FGF12: variants seen among roughly 807,000 people sequenced by gnomAD.
The protein encoded by FGF12 is fibroblast growth factor 12, also known as fibroblast growth factor 12B.
In FGF12, 14 loss-of-function variants were observed where a neutral mutation model predicts 23.6. That is an observed-to-expected ratio of 0.59 (90% CI 0.39 to 0.93). The LOEUF (loss-of-function observed/expected upper bound fraction) is 0.93. Ranked by LOEUF, FGF12 falls within the 40% of genes least tolerant of loss-of-function variation. The pLI is 0.00. For missense variants in FGF12, 175 were observed against 217.8 expected, an observed-to-expected ratio of 0.80 and a Z score of 1.24; for synonymous variants, 62 against 77.3, an observed-to-expected ratio of 0.80 and a Z score of 1.04.
chr3:192,500,444 A>C (rs6800095), intron 2 of FGF12, among the ~76,000 whole-genome samples: 129,709 of 151,636 alleles, frequency 0.86, 55,802 homozygotes, highest in East Asian at 0.91. Flanking sequence ...ACATCCCCCC[A>C]CCCGCCACAC....
At chr3:192,326,427 T>C (rs1242162815) in intron 4 of FGF12, among the ~76,000 whole-genome samples, 1 of 152,156 alleles carries the variant, frequency 6.6e-6, no homozygotes, top group Non-Finnish European at 1.5e-5. Flanking sequence ...TCCTTATAGT[T>C]ACCAATAGCG....
rs551785451 is a variant in FGF12, at chr3:192,408,051, C to A, written c.14-47513G>T. On this transcript the variant is annotated intron_variant, in intron 2 of 5. Coordinates refer to ENST00000445105, the MANE Select transcript of FGF12 (RefSeq NM_004113.6). The surrounding 1 kb of genome is among the most constrained non-coding windows in gnomAD (Gnocchi z 7.3). Reference sequence around the variant, plus strand: ...TGGTCTCCGCCTCACCGGCCTCTTGCGGCCGCTGCAGAAGCGCACTTTGCT... The same window carrying A: ...TGGTCTCCGCCTCACCGGCCTCTTGAGGCCGCTGCAGAAGCGCACTTTGCT... 2.5e-6 allele frequency: 4 copies of A among 1,611,748 alleles called. No individual in the cohort carries two copies. Among genetic ancestry groups the A allele is most frequent in the Admixed American group, 1.7e-5 (1 of 59,954 alleles).
At chr3:192,709,669 T>G (rs1718599483) in intron 2 of FGF12, among the ~76,000 whole-genome samples, 1 of 152,200 alleles carries the variant, frequency 6.6e-6, no homozygotes, top group African/African-American at 2.4e-5. Context: ...TGCTGGGAAA[T>G]TATTAAGTTT....
At chr3:192,278,357 A>C (rs1248742628) in intron 4 of FGF12, among the ~76,000 whole-genome samples, 1 of 152,206 alleles carries the variant, frequency 6.6e-6, no homozygotes, top group Admixed American at 6.5e-5. Context: ...TTCTTCATCT[A>C]AAACCTAGAG....
In FGF12 at chr3:192,338,784, CCTAA is replaced by C. The variant is rs1218056596; in HGVS notation, c.125-3324_125-3321del. On this transcript the variant is annotated intron_variant, in intron 3 of 5. Transcript: ENST00000445105. ...TGTGCGATGCAGAGCCAACTCTAAT[CCTAA>C]CTGATAGAGATGCTAATGAAAGCAG... Among the ~76,000 whole-genome samples the C allele has an allele frequency of 2.6e-5, 4 of 152,090 alleles. No individual in the cohort carries two copies. The South Asian group carries it at 6.2e-4, about 24-fold the overall frequency.
At chr3:192,195,771 TAC>T (rs144857800) in intron 4 of FGF12, among the ~76,000 whole-genome samples, 2 of 151,912 alleles carry the variant, frequency 1.3e-5, no homozygotes, top group Non-Finnish European at 2.9e-5. Flanking sequence ...TATGTGTGTA[TAC>T]ACACACACAC....
At chr3:192,700,698 C>A (rs111784586) in intron 2 of FGF12, among the ~76,000 whole-genome samples, 1,953 of 152,196 alleles carry the variant, frequency 0.013, 21 homozygotes, top group Middle Eastern at 0.027. Flanking sequence ...TAAAAGCATT[C>A]CAAATAAACC....
chr3:192,539,234 C>A (rs1464217488), intron 2 of FGF12, among the ~76,000 whole-genome samples: 2 of 152,290 alleles, frequency 1.3e-5, no homozygotes, highest in African/African-American at 4.8e-5. Flanking sequence ...AGAAACAATG[C>A]TCTCCATTTT....
chr3:192,145,830 CTTT>C (rs1192981080), intron 5 of FGF12, among the ~76,000 whole-genome samples: 2 of 152,070 alleles, frequency 1.3e-5, no homozygotes, highest in African/African-American at 4.8e-5. Context: ...CTTTCTTCTT[CTTT>C]TTTTGTTTCA....
At chr3:192,349,727 A>C (rs1336971203) in intron 3 of FGF12, among the ~76,000 whole-genome samples, 1 of 152,110 alleles carries the variant, frequency 6.6e-6, no homozygotes, top group Non-Finnish European at 1.5e-5. Context: ...AAATGGAAAT[A>C]ATTTCCTTAC....
chr3:192,709,024 T>C (rs1326360618), intron 2 of FGF12, among the ~76,000 whole-genome samples: 1 of 152,232 alleles, frequency 6.6e-6, no homozygotes, highest in East Asian at 1.9e-4. Flanking sequence ...ATTACATTCT[T>C]AAGTGTTCAC....
chr3:192,210,245 T>G (rs75591218), intron 4 of FGF12, among the ~76,000 whole-genome samples: 2,114 of 152,236 alleles, frequency 0.014, 43 homozygotes, highest in East Asian at 0.05. Flanking sequence ...AAACTGGATT[T>G]CAGGGAGCCA....
At chr3:192,383,539 T>TA (rs34292300) in intron 2 of FGF12, among the ~76,000 whole-genome samples, 61,169 of 143,708 alleles carry the variant, frequency 0.43, 12,791 homozygotes, top group East Asian at 0.46. Context: ...AAAATCTGAT[T>TA]AAAAAAAAAA....
At chr3:192,220,641 C>T (rs1369743682) in intron 4 of FGF12, among the ~76,000 whole-genome samples, 3 of 152,120 alleles carry the variant, frequency 2.0e-5, no homozygotes, top group African/African-American at 7.2e-5. Flanking sequence ...TATTAGTTGT[C>T]AGTTACGAAC....
intron 4 of FGF12, among the ~76,000 whole-genome samples, chr3:192,288,590 T>C (rs901566131): frequency 2.0e-5 from 3 of 152,106 alleles, no homozygotes; most frequent in African/African-American, 4.8e-5. Flanking sequence ...TGAAAGTTCA[T>C]CCATGGCCAT....
intron 2 of FGF12, among the ~76,000 whole-genome samples, chr3:192,388,453 TTTTA>T (rs1380633482): frequency 6.6e-6 from 1 of 152,156 alleles, no homozygotes; most frequent in Non-Finnish European, 1.5e-5. Context: ...GTTAGGTGCT[TTTTA>T]TTTATTTTTT....
intron 4 of FGF12, among the ~76,000 whole-genome samples, chr3:192,181,963 T>C (rs878909328): frequency 4.0e-5 from 6 of 150,810 alleles, no homozygotes; most frequent in African/African-American, 7.3e-5. Context: ...AGAAAACATA[T>C]CTCAATGAAA....
rs964700345 is a variant in FGF12 at position 192,409,558 on chromosome 3, A to G, written c.14-49020T>C. Among the ~76,000 whole-genome samples the G allele has an allele frequency of 2.0e-5, 3 of 152,164 alleles. No individual in the cohort carries two copies. The highest frequency in any genetic ancestry group is 4.4e-5 in the Non-Finnish European group (3 of 68,028). ...TTACCCGCCGGACGCAAGGCCGATC[A>G]CTCAGTCCCGCGCCGCCCATCCCGG... On this transcript the variant is annotated intron_variant, in intron 2 of 5. Transcript: ENST00000445105. The surrounding 1 kb of genome is among the most constrained non-coding windows in gnomAD (Gnocchi z 4.8).
chr3:192,184,481 T>G (rs1716347026), intron 4 of FGF12, among the ~76,000 whole-genome samples: 1 of 152,010 alleles, frequency 6.6e-6, no homozygotes, highest in African/African-American at 2.4e-5. Context: ...AAAACCAGAG[T>G]AAGCTTGACC....
Sources: gnomAD v4.1 joint callset for allele counts (sites outside exome capture counted in the v4.1 genomes callset) on GRCh38, gnomAD v4.1.1 for gene constraint, Gnocchi (gnomAD v3.1) non-coding constraint, MANE v1.5 for transcripts, NCBI Gene and HGNC (gene_info 2026-07-23, HGNC 2026-07-21) for gene names.